ME1: variants seen among roughly 807,000 people sequenced by gnomAD.
ME1 encodes the protein NADP-dependent malic enzyme.
A neutral mutation model predicts 66.4 loss-of-function variants in ME1; 74 were observed. The observed-to-expected ratio is 1.11, with a 90% confidence interval of 0.92 to 1.35. The LOEUF (loss-of-function observed/expected upper bound fraction) is 1.35. ME1 is among the 40% of genes most tolerant of loss of function. The pLI is 0.00. For synonymous variants in ME1, 251 were observed against 235.6 expected, an observed-to-expected ratio of 1.07 and a Z score of -0.60; for missense variants, 750 against 694.1, an observed-to-expected ratio of 1.08 and a Z score of -0.90.
At chr6:83,400,731 T>C (rs1187621647) in intron 2 of ME1, among the ~76,000 whole-genome samples, 2 of 152,372 alleles carry the variant, frequency 1.3e-5, no homozygotes, top group South Asian at 4.1e-4. Context: ...GTGGCTCTTC[T>C]GGTCAAAAAC....
intron 9 of ME1, among the ~76,000 whole-genome samples, chr6:83,233,542 A>G (rs73749765): frequency 0.1 from 15,533 of 152,054 alleles, 1,037 homozygotes; most frequent in East Asian, 0.25. Flanking sequence ...AAGAGAAAAT[A>G]TGCTGGAATA....
At chr6:83,241,576 C>T (rs1790510560) in intron 7 of ME1, among the ~76,000 whole-genome samples, 1 of 151,816 alleles carries the variant, frequency 6.6e-6, no homozygotes, top group Non-Finnish European at 1.5e-5. Context: ...AATGAAAACA[C>T]TAATCTTCCA....
chr6:83,371,137 A>G (rs779914432), intron 3 of ME1, among the ~76,000 whole-genome samples: 3 of 152,130 alleles, frequency 2.0e-5, no homozygotes, highest in Non-Finnish European at 4.4e-5. Flanking sequence ...ACTTTCTAAT[A>G]ATTTCATTTA....
chr6:83,298,931 GTTT>G (rs61055748), intron 6 of ME1, among the ~76,000 whole-genome samples: 2 of 22,494 alleles, frequency 8.9e-5, no homozygotes, highest in East Asian at 1.4e-3. Context: ...CTATGTGTCT[GTTT>G]TTTTTTTTTT....
At chr6:83,294,378 T>C (rs1268797635) in intron 6 of ME1, among the ~76,000 whole-genome samples, 2 of 152,164 alleles carry the variant, frequency 1.3e-5, no homozygotes, top group Non-Finnish European at 1.5e-5. Context: ...TCAGCCCTCA[T>C]TCAGCAACCA....
intron 1 of ME1, among the ~76,000 whole-genome samples, chr6:83,427,345 T>C (rs1413067431): frequency 6.6e-6 from 1 of 152,224 alleles, no homozygotes; most frequent in Non-Finnish European, 1.5e-5. Context: ...TTTGAATTCA[T>C]ACCATATCTA....
intron 2 of ME1, among the ~76,000 whole-genome samples, chr6:83,404,041 A>C (rs1254214469): frequency 2.0e-5 from 3 of 152,124 alleles, no homozygotes; most frequent in African/African-American, 7.2e-5. Context: ...TGTGGGGTCA[A>C]ATGGTGTTTC....
chr6:83,364,726 T>G (rs749591557), intron 3 of ME1, among the ~76,000 whole-genome samples: 41 of 150,888 alleles, frequency 2.7e-4, no homozygotes, highest in Non-Finnish European at 3.5e-4. Flanking sequence ...TCTATCTATC[T>G]ATCTATCTGT....
At chr6:83,235,082 A>G (rs1190423043) in intron 9 of ME1, among the ~76,000 whole-genome samples, 4 of 152,166 alleles carry the variant, frequency 2.6e-5, no homozygotes, top group African/African-American at 9.7e-5. Context: ...TAGGAAATTT[A>G]AGATATCCAT....
intron 1 of ME1, among the ~76,000 whole-genome samples, chr6:83,419,583 G>A (rs1387883470): frequency 1.3e-5 from 2 of 152,262 alleles, no homozygotes; most frequent in East Asian, 3.9e-4. Context: ...TGCCTTTAGG[G>A]AGGGGAACCA....
At chr6:83,229,278 T>G (rs1390004825) in intron 9 of ME1, 5 of 373,818 alleles carry the variant, frequency 1.3e-5, no homozygotes, top group African/African-American at 8.8e-5. Flanking sequence ...ACACATTGTG[T>G]TTTATAGCAG....
chr6:83,220,132 A>G (rs1790063568), intron 12 of ME1, among the ~76,000 whole-genome samples: 1 of 152,216 alleles, frequency 6.6e-6, no homozygotes, highest in African/African-American at 2.4e-5. Flanking sequence ...CTAGGATGTC[A>G]CACAAATGTC....
intron 5 of ME1, among the ~76,000 whole-genome samples, chr6:83,317,773 C>A (rs548181784): frequency 6.0e-4 from 91 of 152,172 alleles, no homozygotes; most frequent in African/African-American, 1.6e-3. Flanking sequence ...GCTACCAATG[C>A]CTTTCTTCAC....
At chr6:83,229,072 A>G (rs151177651) in intron 9 of ME1, 141 bp from the exon 10 acceptor site, 25 of 635,804 alleles carry the variant, frequency 3.9e-5, no homozygotes, top group African/African-American at 3.9e-4. Context: ...CTCTTCTTCA[A>G]TTGTCAGAAT....
At chr6:83,378,507 G>C (rs1271821121) in intron 3 of ME1, among the ~76,000 whole-genome samples, 1 of 152,080 alleles carries the variant, frequency 6.6e-6, no homozygotes, top group South Asian at 2.1e-4. Flanking sequence ...TACAATGAAA[G>C]TTACATATGC....
chr6:83,282,947 G>C lies in ME1; in HGVS notation c.705-29209C>G, dbSNP rs148559588. 6.7e-3 allele frequency among the ~76,000 whole-genome samples: 1,008 copies of C among 151,554 alleles called. 11 individuals are homozygous for C. Among genetic ancestry groups the C allele is most frequent in the African/African-American group, 0.023 (955 of 41,376 alleles). On this transcript the variant is annotated intron_variant, in intron 6 of 13. Transcript: ENST00000369705. The stretch of plus-strand genomic sequence containing the variant: ...TGCAGCCATAAAAAATGATGAGTTC[G>C]GCCGGGCGCGGTGGCTCAAGCCTGT...
intron 11 of ME1, 98 bp downstream of exon 11, chr6:83,227,237 A>C (rs887131528): frequency 3.8e-6 from 3 of 792,324 alleles, no homozygotes; most frequent in African/African-American, 3.6e-5. Flanking sequence ...TGGTTGTATA[A>C]TTTTTAAACT....
At chr6:83,281,953 A>G (rs984077177) in intron 6 of ME1, among the ~76,000 whole-genome samples, 1 of 150,572 alleles carries the variant, frequency 6.6e-6, no homozygotes, top group Non-Finnish European at 1.5e-5. Flanking sequence ...GCAGGAAGAG[A>G]TAATACAACT....
At chr6:83,264,622 T>A (rs1336265366) in intron 6 of ME1, among the ~76,000 whole-genome samples, 1 of 152,150 alleles carries the variant, frequency 6.6e-6, no homozygotes, top group Admixed American at 6.5e-5. Flanking sequence ...CCAACCCTCA[T>A]GGATGACTTT....
Sources: allele counts gnomAD v4.1 joint callset (sites outside exome capture counted in the v4.1 genomes callset), GRCh38; gene constraint gnomAD v4.1.1; transcripts MANE v1.5; gene names NCBI Gene and HGNC (gene_info 2026-07-23, HGNC 2026-07-21).